CRPPA: variants seen among roughly 807,000 people sequenced by gnomAD.
CRPPA encodes CDP-L-ribitol pyrophosphorylase A.
In CRPPA, 43 loss-of-function variants were observed where a neutral mutation model predicts 52.0. The observed-to-expected ratio is 0.83, with a 90% CI of 0.65 to 1.07. The LOEUF (loss-of-function observed/expected upper bound fraction) is 1.07, where lower values mean the gene tolerates loss of function less well. CRPPA is among the 50% of genes least tolerant of loss of function. The probability of loss-of-function intolerance (pLI) is 0.00; values close to 1 mark genes in which losing one functional copy is unlikely to be tolerated. For synonymous variants in CRPPA, 250 were observed against 203.5 expected (o/e 1.23, Z -1.94); for missense variants, 629 against 551.7 (o/e 1.14, Z -1.40).
chr7:16,382,131 G>A (rs188152209), intron 2 of CRPPA, among the ~76,000 whole-genome samples: 3,459 of 151,988 alleles, frequency 0.023, 95 homozygotes, highest in African/African-American at 0.067. Context: ...GGCTGGTACC[G>A]GTTGTTCCTT....
At chr7:16,120,098 A>G (rs1020244695) in intron 9 of CRPPA, among the ~76,000 whole-genome samples, 1 of 152,222 alleles carries the variant, frequency 6.6e-6, no homozygotes, top group African/African-American at 2.4e-5. Flanking sequence ...AAAGCCATAA[A>G]GAAGAAAATG....
At chr7:16,192,143 T>C (rs187334932) in intron 9 of CRPPA, among the ~76,000 whole-genome samples, 1 of 152,246 alleles carries the variant, frequency 6.6e-6, no homozygotes, top group East Asian at 1.9e-4. Context: ...ATGATAGTTC[T>C]TAAATTTATA....
intron 3 of CRPPA, among the ~76,000 whole-genome samples, chr7:16,337,036 G>T (rs1785700499): frequency 6.6e-6 from 1 of 151,910 alleles, no homozygotes; most frequent in South Asian, 2.1e-4. Context: ...ATAATAGTAG[G>T]GGACCTCTAT....
At chr7:16,355,516 T>G (rs1484836548) in intron 3 of CRPPA, among the ~76,000 whole-genome samples, 1 of 152,212 alleles carries the variant, frequency 6.6e-6, no homozygotes, top group Admixed American at 6.5e-5. Flanking sequence ...CAGTCTCTAC[T>G]CGATGCTTTC....
In CRPPA at chr7:16,421,317, C is replaced by T; in HGVS notation, c.6G>A (p.Glu2=). The stretch of plus-strand genomic sequence containing the variant: ...GCCTGGCGCTGCCCGGCGGCCCGGC[C>T]TCCATGGCTGCGGGCGGAACGGCGA... The part of the protein sequence containing the change: M[E]AGPPGSARPA... The change falls in exon 1 of 10, where the codon GAG becomes GAA. Residue 2 remains glutamate, a synonymous_variant. Coordinates refer to ENST00000407010, the MANE Select transcript of CRPPA (RefSeq NM_001101426.4). The T allele has an allele frequency of 8.0e-7, 1 of 1,254,430 alleles. No homozygotes were observed. The highest frequency in any genetic ancestry group is 1.0e-6 in the Non-Finnish European group (1 of 995,852). 77.7% of individuals were successfully genotyped at this position (1,254,430 alleles called of 1,614,324 possible). A position where few individuals can be genotyped will look rare whatever the true frequency, so the allele number is the denominator to read the frequency against.
At chr7:16,302,637 T>G (rs1476922413) in intron 4 of CRPPA, among the ~76,000 whole-genome samples, 1 of 152,140 alleles carries the variant, frequency 6.6e-6, no homozygotes, top group Non-Finnish European at 1.5e-5. Context: ...TAAACTCAGC[T>G]GAAATAGCAC....
chr7:16,222,421 G>A (rs1331005919), intron 8 of CRPPA, among the ~76,000 whole-genome samples: 5 of 148,950 alleles, frequency 3.4e-5, no homozygotes, highest in African/African-American at 1.2e-4. Context: ...ATGTGCACAT[G>A]TACCCTAAAA....
intron 9 of CRPPA, among the ~76,000 whole-genome samples, chr7:16,168,373 C>G (rs139082210): frequency 5.9e-5 from 9 of 152,142 alleles, no homozygotes; most frequent in Middle Eastern, 3.4e-3. Flanking sequence ...ATCCTTTATA[C>G]ACAAACCAGT....
At chr7:16,249,321 C>T (rs1322812887) in intron 8 of CRPPA, among the ~76,000 whole-genome samples, 1 of 152,190 alleles carries the variant, frequency 6.6e-6, no homozygotes, top group Non-Finnish European at 1.5e-5. Context: ...CTTAAACGTC[C>T]CCGCCTGATG....
intron 9 of CRPPA, among the ~76,000 whole-genome samples, chr7:16,138,087 A>G (rs999801141): frequency 2.0e-5 from 3 of 152,206 alleles, no homozygotes; most frequent in African/African-American, 7.2e-5. Context: ...AAAGTCAGCG[A>G]AGTTAAAAGA....
At chr7:16,100,717 C>A (rs1043740211) in intron 9 of CRPPA, among the ~76,000 whole-genome samples, 1 of 152,174 alleles carries the variant, frequency 6.6e-6, no homozygotes, top group Non-Finnish European at 1.5e-5. Flanking sequence ...AGAGGGCATC[C>A]TTGTCTTGTG....
chr7:16,110,304 G>A (rs1782235019), intron 9 of CRPPA, among the ~76,000 whole-genome samples: 1 of 152,070 alleles, frequency 6.6e-6, no homozygotes, highest in Non-Finnish European at 1.5e-5. Context: ...GATATCTCAT[G>A]TTCACATATT....
intron 3 of CRPPA, among the ~76,000 whole-genome samples, chr7:16,330,789 AC>A (rs1224630728): frequency 6.6e-6 from 1 of 152,122 alleles, no homozygotes; most frequent in Non-Finnish European, 1.5e-5. Context: ...AGCAAGGTCT[AC>A]CCTGAGGAGA....
intron 1 of CRPPA, among the ~76,000 whole-genome samples, chr7:16,416,638 C>T (rs948257413): frequency 6.6e-6 from 1 of 151,690 alleles, no homozygotes; most frequent in East Asian, 2.0e-4. Context: ...AGCTCAAGAC[C>T]AGCCTGCCCA....
At chr7:16,148,648 C>T (rs899104560) in intron 9 of CRPPA, among the ~76,000 whole-genome samples, 1 of 151,752 alleles carries the variant, frequency 6.6e-6, no homozygotes, top group Admixed American at 6.6e-5. Context: ...AGGTAATGGC[C>T]AGGGGAAAAC....
At chr7:16,342,866 G>GATATACATATAT (rs1246394739) in intron 3 of CRPPA, among the ~76,000 whole-genome samples, 3 of 146,296 alleles carry the variant, frequency 2.1e-5, no homozygotes, top group African/African-American at 7.5e-5. Context: ...TAGATATATA[G>GATATACATATAT]AGATATATAT....
At chr7:16,398,488 C>G (rs1787682500) in intron 2 of CRPPA, among the ~76,000 whole-genome samples, 1 of 152,054 alleles carries the variant, frequency 6.6e-6, no homozygotes, top group African/African-American at 2.4e-5. Context: ...TGGCACATGA[C>G]CTATATCATT....
chr7:16,220,443 G>A (rs2128399955), intron 8 of CRPPA, among the ~76,000 whole-genome samples: 1 of 52,738 alleles, frequency 1.9e-5, no homozygotes, highest in Middle Eastern at 6.0e-3. Flanking sequence ...GTTCTGGCCA[G>A]GGCAATTAGG....
At chr7:16,382,753 C>T (rs948044525) in intron 2 of CRPPA, among the ~76,000 whole-genome samples, 11 of 152,114 alleles carry the variant, frequency 7.2e-5, no homozygotes, top group South Asian at 2.1e-4. Flanking sequence ...CATCTTCCAT[C>T]GCTGATACCC....
Sources: gnomAD v4.1 joint callset for allele counts (sites outside exome capture counted in the v4.1 genomes callset) on GRCh38, gnomAD v4.1.1 for gene constraint, MANE v1.5 for transcripts, NCBI Gene and HGNC (gene_info 2026-07-23, HGNC 2026-07-21) for gene names.